THSD7B: variants seen among roughly 807,000 people sequenced by gnomAD.
THSD7B encodes the protein thrombospondin type 1 domain containing 7B, also known as thrombospondin type-1 domain-containing protein 7B.
In THSD7B, 138 loss-of-function variants were observed where a neutral mutation model predicts 213.6. That is an observed-to-expected ratio of 0.65 (90% CI 0.56 to 0.74). The LOEUF is 0.74. Ranked by LOEUF, THSD7B falls within the 30% of genes least tolerant of loss-of-function variation. The pLI is 0.00. For synonymous variants in THSD7B, 742 were observed against 687.0 expected, an observed-to-expected ratio of 1.08 and a Z score of -1.25; for missense variants, 1,931 against 1,991.5, an observed-to-expected ratio of 0.97 and a Z score of 0.58.
At chr2:137,203,320 C>G (rs1680915610) in intron 7 of THSD7B, among the ~76,000 whole-genome samples, 1 of 151,846 alleles carries the variant, frequency 6.6e-6, no homozygotes. Context: ...TATGATTTAT[C>G]CTTTCTTAAA....
At chr2:137,573,659 G>T (rs908784389) in intron 17 of THSD7B, among the ~76,000 whole-genome samples, 4 of 152,152 alleles carry the variant, frequency 2.6e-5, no homozygotes, top group East Asian at 3.9e-4. Flanking sequence ...CACTTATTTT[G>T]TGCAAGGTAC....
At chr2:137,300,918 A>G (rs1432764074) in intron 12 of THSD7B, among the ~76,000 whole-genome samples, 1 of 152,090 alleles carries the variant, frequency 6.6e-6, no homozygotes, top group Admixed American at 6.5e-5. Flanking sequence ...CATGTGGGGA[A>G]AAATGGAAGC....
intron 21 of THSD7B, among the ~76,000 whole-genome samples, chr2:137,654,983 C>T (rs1233155862): frequency 6.6e-6 from 1 of 152,100 alleles, no homozygotes; most frequent in African/African-American, 2.4e-5. Context: ...TATGACATGT[C>T]TTCAAAGAAC....
At chr2:137,202,077 TCAGAACGCTGTCTTTTG>T (rs373235285) in intron 7 of THSD7B, among the ~76,000 whole-genome samples, 30 of 152,296 alleles carry the variant, frequency 2.0e-4, no homozygotes, top group Middle Eastern at 3.4e-3. Flanking sequence ...AATTTCACAT[TCAGAACGCTGTCTTTTG>T]CAGAAGAGAG....
chr2:137,438,810 T>G (rs1261481187), intron 14 of THSD7B, among the ~76,000 whole-genome samples: 1 of 152,114 alleles, frequency 6.6e-6, no homozygotes, highest in Non-Finnish European at 1.5e-5. Context: ...GTTCTGTCCC[T>G]CAGTACCTGT....
chr2:137,041,085 C>T (rs1367023397), intron 2 of THSD7B, among the ~76,000 whole-genome samples: 1 of 152,128 alleles, frequency 6.6e-6, no homozygotes, highest in Non-Finnish European at 1.5e-5. Flanking sequence ...AAGGATATAA[C>T]AGGGTACAGC....
intron 10 of THSD7B, among the ~76,000 whole-genome samples, chr2:137,246,034 G>A (rs141381833): frequency 9.2e-4 from 140 of 152,210 alleles, no homozygotes; most frequent in African/African-American, 2.9e-3. Context: ...TCTGGGTGAG[G>A]CAATGTCTGA....
At chr2:137,074,545 C>T (rs1168092117) in intron 3 of THSD7B, among the ~76,000 whole-genome samples, 1 of 152,130 alleles carries the variant, frequency 6.6e-6, no homozygotes, top group African/African-American at 2.4e-5. Flanking sequence ...ATCCAATTTG[C>T]CAGTCTGTGT....
At chr2:137,655,438 A>C in intron 21 of THSD7B, 63 bp from the exon 22 acceptor site, 15 of 1,512,564 alleles carry the variant, frequency 9.9e-6, no homozygotes, top group Non-Finnish European at 1.3e-5. Flanking sequence ...AGAGGTGGCA[A>C]GAGCCAAAAC....
At chr2:137,356,163 A>C (rs1685122715) in intron 12 of THSD7B, among the ~76,000 whole-genome samples, 1 of 151,968 alleles carries the variant, frequency 6.6e-6, no homozygotes, top group Non-Finnish European at 1.5e-5. Context: ...TCAAGGGTGC[A>C]TCACGGTGGG....
chr2:137,052,841 T>G (rs1687093918), intron 2 of THSD7B, among the ~76,000 whole-genome samples: 1 of 152,204 alleles, frequency 6.6e-6, no homozygotes, highest in Non-Finnish European at 1.5e-5. Context: ...GCCTGAGAAC[T>G]GCAAATGGCT....
intron 3 of THSD7B, among the ~76,000 whole-genome samples, chr2:137,071,925 C>T (rs191158440): frequency 4.6e-5 from 7 of 152,008 alleles, no homozygotes; most frequent in South Asian, 4.2e-4. Flanking sequence ...TGCAGATATG[C>T]GGCATTATTT....
intron 26 of THSD7B, among the ~76,000 whole-genome samples, chr2:137,667,127 A>G (rs958089042): frequency 1.3e-5 from 2 of 152,230 alleles, no homozygotes; most frequent in Admixed American, 1.3e-4. Flanking sequence ...ATATTTTTGT[A>G]TATGCATATG....
chr2:137,170,962 G>A, intron 7 of THSD7B, 24 bp downstream of exon 7: 1 of 1,610,008 alleles, frequency 6.2e-7, no homozygotes, highest in Non-Finnish European at 8.5e-7. Flanking sequence ...ACCCACTAGA[G>A]GTGTTAGGAT....
intron 15 of THSD7B, among the ~76,000 whole-genome samples, chr2:137,546,659 A>G (rs1370186400): frequency 1.4e-5 from 2 of 147,122 alleles, no homozygotes; most frequent in African/African-American, 5.0e-5. Context: ...TTAGTTCTCA[A>G]TAAATATCAG....
intron 2 of THSD7B, among the ~76,000 whole-genome samples, chr2:136,893,358 A>C (rs891008848): frequency 7.9e-5 from 12 of 152,222 alleles, no homozygotes; most frequent in Non-Finnish European, 1.6e-4. Context: ...TCGTGGTGAA[A>C]TTATTGGTGG....
At chr2:137,643,153 T>C (rs537720348) in intron 21 of THSD7B, among the ~76,000 whole-genome samples, 1 of 152,334 alleles carries the variant, frequency 6.6e-6, no homozygotes, top group Non-Finnish European at 1.5e-5. Flanking sequence ...TTATTGGCCT[T>C]ACAGATAAAT....
At chr2:137,470,545 A>C (rs914064459) in intron 15 of THSD7B, among the ~76,000 whole-genome samples, 1 of 152,176 alleles carries the variant, frequency 6.6e-6, no homozygotes, top group Non-Finnish European at 1.5e-5. Context: ...ATTATTATTA[A>C]TCACGATGCT....
intron 3 of THSD7B, among the ~76,000 whole-genome samples, chr2:137,078,424 A>G (rs1328726074): frequency 6.6e-6 from 1 of 152,200 alleles, no homozygotes; most frequent in African/African-American, 2.4e-5. Context: ...TTTCAAATTC[A>G]TTTGCATAGA....
Sources: allele counts gnomAD v4.1 joint callset (sites outside exome capture counted in the v4.1 genomes callset), GRCh38; gene constraint gnomAD v4.1.1; transcripts MANE v1.5; gene names NCBI Gene and HGNC (gene_info 2026-07-23, HGNC 2026-07-21).